Variants in ESR2 observed in about 807,000 individuals in gnomAD.
ESR2 encodes estrogen receptor beta.
Under a neutral mutation model 49.6 loss-of-function variants are expected in ESR2, and 36 were observed. The ratio of observed to expected loss-of-function variants is 0.73; its 90% CI spans 0.56 to 0.96. The LOEUF (loss-of-function observed/expected upper bound fraction) is 0.96. Among genes scored for constraint, ESR2 ranks in the 40% least tolerant of loss-of-function variants. The probability of loss-of-function intolerance (pLI) is 0.00; values close to 1 mark genes in which losing one functional copy is unlikely to be tolerated. For missense variants in ESR2, 714 were observed against 693.0 expected, an observed-to-expected ratio of 1.03 and a Z score of -0.34; for synonymous variants, 320 against 266.1, an observed-to-expected ratio of 1.20 and a Z score of -1.97.
rs1416262431 is a variant in ESR2, at chr14:64,230,309, AAAT to A, written c.*2825_*2827del. ...ATTTGAAAAGTCCCTTAGCAGACGT[AAAT>A]AAGAACTAAACCCTGCTTTCACATG... is the stretch of plus-strand genomic sequence containing the variant. On this transcript the variant is annotated 3_prime_UTR_variant, in exon 9 of 9. Transcript: ENST00000341099. Among the ~76,000 whole-genome samples, 2 of 152,220 alleles carry A rather than the reference AAAT, an allele frequency of 1.3e-5. No homozygotes were observed. Among genetic ancestry groups the A allele is most frequent in the African/African-American group, 4.8e-5 (2 of 41,444 alleles).
chr14:64,278,885 G>T (rs1414900628), intron 3 of ESR2, among the ~76,000 whole-genome samples: 1 of 152,126 alleles, frequency 6.6e-6, no homozygotes, highest in Non-Finnish European at 1.5e-5. Context: ...AATAAGTTTA[G>T]GCCATGATGG....
intron 4 of ESR2, among the ~76,000 whole-genome samples, chr14:64,262,897 C>A (rs1324915150): frequency 1.3e-5 from 2 of 151,798 alleles, no homozygotes; most frequent in Admixed American, 1.3e-4. Context: ...GGTGACACAG[C>A]GAGACTCTGT....
intron 4 of ESR2, among the ~76,000 whole-genome samples, chr14:64,267,537 G>T (rs1289219905): frequency 1.3e-5 from 2 of 152,016 alleles, no homozygotes; most frequent in Admixed American, 6.6e-5. Flanking sequence ...CATACACAGA[G>T]AAAAGAAAAG....
chr14:64,300,032 C>T (rs781200130), intron 1 of ESR2, among the ~76,000 whole-genome samples: 11 of 152,194 alleles, frequency 7.2e-5, no homozygotes, highest in South Asian at 2.1e-4. Context: ...GCCTGCTCCA[C>T]GTATTCTACC....
In ESR2 at chr14:64,229,675, G is replaced by C. The variant is rs1352010615; in HGVS notation, c.*3462C>G. 6.6e-6 allele frequency among the ~76,000 whole-genome samples: 1 copy of C among 152,208 alleles called. No individual in the cohort carries two copies. Among genetic ancestry groups the C allele is most frequent in the East Asian group, 1.9e-4 (1 of 5,198 alleles). On this transcript the variant is annotated 3_prime_UTR_variant, in exon 9 of 9. Coordinates refer to ENST00000341099, the MANE Select transcript of ESR2 (RefSeq NM_001437.3). ...ACTGGACTTGGACTGCCTGTGTTCA[G>C]CTCAATCACCTACTCCCCACGTGAC... is the stretch of plus-strand genomic sequence containing the variant.
At chr14:64,316,835 T>C (rs185863106) in intron 1 of ESR2, among the ~76,000 whole-genome samples, 9 of 152,092 alleles carry the variant, frequency 5.9e-5, no homozygotes, top group Admixed American at 3.9e-4. Flanking sequence ...ATAAAATAAC[T>C]ACAGACTAAT....
intron 1 of ESR2, among the ~76,000 whole-genome samples, chr14:64,333,026 A>C (rs970087295): frequency 1.3e-5 from 2 of 151,316 alleles, no homozygotes; most frequent in African/African-American, 4.8e-5. Flanking sequence ...ACAGGTGCCC[A>C]CCACCACGCC....
At position 64,268,838 on chromosome 14, in the gene ESR2, G is replaced by A; in HGVS notation, c.609C>T (p.Ala203=). ...CTTCGTAACACTTCCGAAGTCGGCAGGCCTGGCAGCTCTTGCGCCGGTTTT... is the reference window on the plus strand; with the variant it reads ...CTTCGTAACACTTCCGAAGTCGGCAAGCCTGGCAGCTCTTGCGCCGGTTTT... ...IDKNRRKSCQ[A]CRLRKCYEVG... Residue 203 remains alanine, a synonymous_variant, in exon 4 of 9, where the codon GCC becomes GCT. Coordinates refer to ENST00000341099, the MANE Select transcript of ESR2 (RefSeq NM_001437.3). 6.2e-7 allele frequency: 1 copy of A among 1,613,890 alleles called. No individual in the cohort carries two copies. Among genetic ancestry groups the A allele is most frequent in the Non-Finnish European group, 8.5e-7 (1 of 1,179,768 alleles).
rs530048498 is a variant in ESR2, at chr14:64,278,704, T to C, written c.535+1277A>G. Among the ~76,000 whole-genome samples the C allele has an allele frequency of 3.7e-4, 57 of 152,248 alleles. 1 individual carries two copies. In the South Asian group the frequency reaches 4.6e-3, roughly 12 times the overall value. On this transcript the variant is annotated intron_variant, in intron 3 of 8. Coordinates refer to ENST00000341099, the MANE Select transcript of ESR2 (RefSeq NM_001437.3). ...AGTGACTTCAGCAAATCAGGGCTGG[T>C]ACGAGAGAAGGAGTGTAGCAAAGAC...
intron 7 of ESR2, among the ~76,000 whole-genome samples, chr14:64,245,478 C>G (rs1222229685): frequency 7.4e-6 from 1 of 134,788 alleles, no homozygotes; most frequent in Non-Finnish European, 1.5e-5. Context: ...CACCATTGCA[C>G]TCCAGCCTGG....
At chr14:64,247,586 C>G (rs1449091091) in intron 7 of ESR2, among the ~76,000 whole-genome samples, 1 of 152,150 alleles carries the variant, frequency 6.6e-6, no homozygotes, top group African/African-American at 2.4e-5. Flanking sequence ...AATATGTTGT[C>G]TAAATAGAGA....
chr14:64,299,399 C>CT (rs541707521), upstream of ESR2, among the ~76,000 whole-genome samples: 4,395 of 125,626 alleles, frequency 0.035, 100 homozygotes, highest in Non-Finnish European at 0.047. Flanking sequence ...ACAGAAATAG[C>CT]TTTTTTTTTT....
At chr14:64,281,850 A>C (rs1197984160) in intron 2 of ESR2, among the ~76,000 whole-genome samples, 1 of 152,220 alleles carries the variant, frequency 6.6e-6, no homozygotes, top group African/African-American at 2.4e-5. Context: ...TTCATGGTTA[A>C]AAAGCTTATA....
intron 1 of ESR2, among the ~76,000 whole-genome samples, chr14:64,334,098 C>T (rs1373282193): frequency 1.3e-5 from 2 of 151,984 alleles, no homozygotes; most frequent in Admixed American, 6.6e-5. Flanking sequence ...GTAAATTGTA[C>T]CAACAATGAA....
At chr14:64,334,221 C>A (rs2077500818) in intron 1 of ESR2, among the ~76,000 whole-genome samples, 3 of 152,192 alleles carry the variant, frequency 2.0e-5, no homozygotes. Context: ...CACTCTACCA[C>A]CAAACCTAGT....
At chr14:64,248,522 AG>A (rs373640455) in intron 7 of ESR2, among the ~76,000 whole-genome samples, 8 of 143,710 alleles carry the variant, frequency 5.6e-5, no homozygotes, top group South Asian at 2.2e-4. Flanking sequence ...AAAAAAAAAA[AG>A]AAAAAAAAAA....
At chr14:64,252,428 T>C (rs1408338016) in intron 6 of ESR2, among the ~76,000 whole-genome samples, 1 of 152,200 alleles carries the variant, frequency 6.6e-6, no homozygotes, top group Non-Finnish European at 1.5e-5. Context: ...TATCTGTCCA[T>C]AAACTACTAA....
intron 7 of ESR2, among the ~76,000 whole-genome samples, chr14:64,236,517 G>C (rs1222785920): frequency 6.6e-6 from 1 of 152,070 alleles, no homozygotes. Context: ...TCATAGGATA[G>C]AGTCCAAACC....
intron 1 of ESR2, among the ~76,000 whole-genome samples, chr14:64,328,051 CAAA>C (rs748229456): frequency 4.6e-5 from 4 of 87,140 alleles, no homozygotes; most frequent in Admixed American, 1.3e-4. Context: ...ACTAAAAATA[CAAA>C]AAAAAAAAAA....
Sources: gnomAD v4.1 joint callset for allele counts (sites outside exome capture counted in the v4.1 genomes callset) on GRCh38, gnomAD v4.1.1 for gene constraint, MANE v1.5 for transcripts, NCBI Gene and HGNC (gene_info 2026-07-23, HGNC 2026-07-21) for gene names.